The following RIMBP2 variants were observed in gnomAD, a reference collection of about 807,000 sequenced individuals.
RIMBP2 encodes RIMS-binding protein 2.
In RIMBP2, 48 loss-of-function variants were observed where a neutral mutation model predicts 118.6. The observed-to-expected ratio is 0.40, with a 90% confidence interval of 0.32 to 0.51. The LOEUF is 0.51. Ranked by LOEUF, RIMBP2 falls within the 20% of genes least tolerant of loss-of-function variation. The pLI is 0.41. For synonymous variants in RIMBP2, 762 were observed against 742.9 expected, an observed-to-expected ratio of 1.03 and a Z score of -0.42; for missense variants, 1,551 against 1,768.3, an observed-to-expected ratio of 0.88 and a Z score of 2.20.
At chr12:130,583,071 A>G (rs1481898852) in intron 2 of RIMBP2, among the ~76,000 whole-genome samples, 1 of 152,182 alleles carries the variant, frequency 6.6e-6, no homozygotes, top group Non-Finnish European at 1.5e-5. Flanking sequence ...GGGATTAAAT[A>G]ACCAACATGT....
At chr12:130,624,856 T>G (rs1007856690) in intron 2 of RIMBP2, among the ~76,000 whole-genome samples, 2 of 152,076 alleles carry the variant, frequency 1.3e-5, no homozygotes, top group Admixed American at 1.3e-4. Flanking sequence ...TCCCAAGTAG[T>G]TGGGATTACA....
At chr12:130,696,363 C>T (rs2065578121) in intron 1 of RIMBP2, among the ~76,000 whole-genome samples, 1 of 152,196 alleles carries the variant, frequency 6.6e-6, no homozygotes, top group African/African-American at 2.4e-5. Context: ...CATTCAGAGG[C>T]TACCTTCAAA....
At chr12:130,689,076 C>A (rs562723752) in intron 1 of RIMBP2, among the ~76,000 whole-genome samples, 1 of 152,328 alleles carries the variant, frequency 6.6e-6, no homozygotes, top group South Asian at 2.1e-4. Flanking sequence ...CTGATTGATA[C>A]ACCAGATAAA....
chr12:130,439,227 TGTA>T (rs1566036964), intron 11 of RIMBP2, among the ~76,000 whole-genome samples: 4 of 152,030 alleles, frequency 2.6e-5, no homozygotes, highest in Middle Eastern at 6.8e-3. Context: ...TGTGTTTGTG[TGTA>T]GATGTATATG....
At chr12:130,515,242 A>C (rs997869190) in intron 3 of RIMBP2, among the ~76,000 whole-genome samples, 2 of 152,082 alleles carry the variant, frequency 1.3e-5, no homozygotes, top group Non-Finnish European at 2.9e-5. Flanking sequence ...CATCTTAACT[A>C]TTTTACATGT....
At chr12:130,435,957 AG>A (rs1252770611) in intron 13 of RIMBP2, among the ~76,000 whole-genome samples, 1 of 152,148 alleles carries the variant, frequency 6.6e-6, no homozygotes, top group Admixed American at 6.5e-5. Context: ...CCCAGCCCAG[AG>A]GAACACTCAC....
chr12:130,665,228 GC>G (rs1407211959), intron 1 of RIMBP2, among the ~76,000 whole-genome samples: 2 of 151,568 alleles, frequency 1.3e-5, no homozygotes, highest in Non-Finnish European at 2.9e-5. Context: ...CGAGATGGAG[GC>G]AAATTCCTGA....
chr12:130,449,802 G>A (rs1762074010), intron 9 of RIMBP2, among the ~76,000 whole-genome samples: 1 of 152,094 alleles, frequency 6.6e-6, no homozygotes, highest in African/African-American at 2.4e-5. Flanking sequence ...CAGGATGGAG[G>A]ATGGAGGCAG....
chr12:130,460,377 T>C (rs1184851007), intron 6 of RIMBP2, among the ~76,000 whole-genome samples: 2 of 152,188 alleles, frequency 1.3e-5, no homozygotes, highest in African/African-American at 2.4e-5. Flanking sequence ...TGAGCAGTAC[T>C]AGTATCAGTA....
intron 12 of RIMBP2, 30 bp downstream of exon 12, chr12:130,438,335 A>ACCGGGGGGGCCCCCCCCC: frequency 1.2e-6 from 1 of 865,014 alleles, no homozygotes; most frequent in Non-Finnish European, 1.9e-6. Flanking sequence ...GGCCTAACAA[A>ACCGGGGGGGCCCCCCCCC]CCCTCCCCAC....
At chr12:130,610,551 CTTTTTTTTTTTTTTTTT>C (rs386378269) in intron 2 of RIMBP2, among the ~76,000 whole-genome samples, 1 of 81,546 alleles carries the variant, frequency 1.2e-5, no homozygotes, top group Non-Finnish European at 2.3e-5. Flanking sequence ...AATTTTCCTG[CTTTTTTTTTTTTTTTTT>C]TTTTTTTTTT....
chr12:130,450,778 G>A lies in RIMBP2; in HGVS notation c.504+417C>T, dbSNP rs1245919760. The stretch of plus-strand genomic sequence containing the variant: ...CTCGGACTCAGACAAAAAGCCAAAC[G>A]CTGTCCTCTGCCCCCGCCCCCTCTC... On this transcript the variant is annotated intron_variant, in intron 8 of 22. Coordinates refer to ENST00000690449, the MANE Select transcript of RIMBP2 (RefSeq NM_001393629.1). This position sits in a 1 kb window ranked among gnomAD's most constrained non-coding sequence, Gnocchi z 4.8. 6.6e-6 allele frequency among the ~76,000 whole-genome samples: 1 copy of A among 151,866 alleles called. No individual in the cohort carries two copies. Among genetic ancestry groups the A allele is most frequent in the Non-Finnish European group, 1.5e-5 (1 of 67,996 alleles).
intron 2 of RIMBP2, among the ~76,000 whole-genome samples, chr12:130,585,365 A>C (rs2140253260): frequency 6.6e-6 from 1 of 152,258 alleles, no homozygotes; most frequent in South Asian, 2.1e-4. Context: ...ATTCGTCGAA[A>C]ATTCGGTAGG....
intron 1 of RIMBP2, among the ~76,000 whole-genome samples, chr12:130,652,299 T>C (rs2063261230): frequency 6.6e-6 from 1 of 152,234 alleles, no homozygotes; most frequent in Non-Finnish European, 1.5e-5. Context: ...TATGGCTGCC[T>C]TAGTATATGG....
chr12:130,688,198 C>G lies in RIMBP2; in HGVS notation c.-352+28024G>C, dbSNP rs1284034751. Among the ~76,000 whole-genome samples, 2 of 152,188 alleles carry G rather than the reference C, an allele frequency of 1.3e-5. No individual in the cohort carries two copies. Among genetic ancestry groups the G allele is most frequent in the East Asian group, 1.9e-4 (1 of 5,168 alleles). ...TGTTCATGCTGCTTGGCTTTGTGAA[C>G]AGTTGCGTGGTGGCTTCTCAGCGGC... On this transcript the variant is annotated intron_variant, in intron 1 of 22. Transcript: ENST00000690449. The surrounding 1 kb of genome is among the most constrained non-coding windows in gnomAD (Gnocchi z 4.7).
intron 1 of RIMBP2, among the ~76,000 whole-genome samples, chr12:130,634,317 C>G (rs561577018): frequency 1.4e-4 from 21 of 152,208 alleles, no homozygotes; most frequent in Non-Finnish European, 2.5e-4. Flanking sequence ...GGGAAGGAAT[C>G]TGAAGCAAGA....
At chr12:130,477,460 A>G (rs971628489) in intron 5 of RIMBP2, among the ~76,000 whole-genome samples, 4 of 152,342 alleles carry the variant, frequency 2.6e-5, no homozygotes, top group Non-Finnish European at 4.4e-5. Context: ...TCCTTGAGAC[A>G]TGGCAGGAGA....
chr12:130,590,086 G>A (rs532296634), intron 2 of RIMBP2, among the ~76,000 whole-genome samples: 35 of 152,222 alleles, frequency 2.3e-4, no homozygotes, highest in African/African-American at 6.5e-4. Context: ...CAGGAAACAC[G>A]TGAAAGCATT....
chr12:130,458,177 G>A (rs575162952), intron 6 of RIMBP2, among the ~76,000 whole-genome samples: 1 of 151,150 alleles, frequency 6.6e-6, no homozygotes, highest in Admixed American at 6.6e-5. Flanking sequence ...CACTATTTAT[G>A]GCTGAGATCA....
Sources: allele counts gnomAD v4.1 joint callset (sites outside exome capture counted in the v4.1 genomes callset), GRCh38; gene constraint gnomAD v4.1.1; non-coding constraint Gnocchi (gnomAD v3.1); transcripts MANE v1.5; gene names NCBI Gene and HGNC (gene_info 2026-07-23, HGNC 2026-07-21).